NEK1: variants seen among roughly 807,000 people sequenced by gnomAD.
NEK1 encodes serine/threonine-protein kinase Nek1.
In NEK1, 137 loss-of-function variants were observed where a neutral mutation model predicts 182.1. The observed-to-expected ratio is 0.75, with a 90% CI of 0.65 to 0.87. The LOEUF (loss-of-function observed/expected upper bound fraction) is 0.87, where lower values mean the gene tolerates loss of function less well. Ranked by LOEUF, NEK1 falls within the 40% of genes least tolerant of loss-of-function variation. The pLI, the probability that NEK1 is intolerant of heterozygous loss-of-function variation, is 0.00. For missense variants in NEK1, 1,391 were observed against 1,494.4 expected, an observed-to-expected ratio of 0.93 and a Z score of 1.14; for synonymous variants, 513 against 492.2, an observed-to-expected ratio of 1.04 and a Z score of -0.56.
intron 19 of NEK1, among the ~76,000 whole-genome samples, chr4:169,522,780 G>A (rs534103165): frequency 3.9e-4 from 59 of 152,328 alleles, no homozygotes; most frequent in African/African-American, 1.3e-3. Context: ...TCACTCATCA[G>A]GTCCCTGGTG....
At chr4:169,468,524 T>C (rs573529844) in intron 26 of NEK1, among the ~76,000 whole-genome samples, 1 of 152,324 alleles carries the variant, frequency 6.6e-6, no homozygotes, top group East Asian at 1.9e-4. Context: ...AATTACATGC[T>C]GTGAAATACT....
At chr4:169,521,109 G>A (rs1442793765) in intron 19 of NEK1, among the ~76,000 whole-genome samples, 45 of 78,376 alleles carry the variant, frequency 5.7e-4, no homozygotes, top group African/African-American at 1.9e-3. Context: ...CCCCAGCCTC[G>A]TTGCCGCCTT....
At chr4:169,538,588 G>A (rs893444876) in intron 18 of NEK1, among the ~76,000 whole-genome samples, 1 of 152,084 alleles carries the variant, frequency 6.6e-6, no homozygotes, top group Admixed American at 6.6e-5. Context: ...ACTATATATT[G>A]TGTTAGTTAC....
intron 19 of NEK1, among the ~76,000 whole-genome samples, chr4:169,512,432 AATTTTCCTC>A (rs911691628): frequency 1.3e-5 from 2 of 151,884 alleles, no homozygotes; most frequent in African/African-American, 2.4e-5. Context: ...GTTTTGTATA[AATTTTCCTC>A]ATTTTCTAAC....
At chr4:169,486,186 T>C (rs1749011271) in intron 23 of NEK1, among the ~76,000 whole-genome samples, 1 of 152,258 alleles carries the variant, frequency 6.6e-6, no homozygotes, top group East Asian at 1.9e-4. Context: ...AGAAGCTTTT[T>C]TTTTCTTAGC....
intron 29 of NEK1, among the ~76,000 whole-genome samples, chr4:169,432,914 T>C (rs891904143): frequency 2.6e-5 from 4 of 152,134 alleles, no homozygotes; most frequent in Non-Finnish European, 4.4e-5. Context: ...CCTGGGATTA[T>C]AGGCACCCGC....
At chr4:169,464,756 A>T (rs1455250718) in intron 26 of NEK1, among the ~76,000 whole-genome samples, 1 of 152,198 alleles carries the variant, frequency 6.6e-6, no homozygotes, top group African/African-American at 2.4e-5. Flanking sequence ...ATAGAAAACA[A>T]ATCTTAAAAT....
At chr4:169,605,509 T>C (rs1258931506) in intron 2 of NEK1, among the ~76,000 whole-genome samples, 2 of 152,202 alleles carry the variant, frequency 1.3e-5, no homozygotes, top group Admixed American at 6.5e-5. Flanking sequence ...TTTCAGCATC[T>C]TACAATATAT....
intron 6 of NEK1, 54 bp from the exon 7 acceptor site, chr4:169,589,568 T>A: frequency 9.3e-7 from 1 of 1,072,814 alleles, no homozygotes; most frequent in Non-Finnish European, 1.3e-6. Context: ...AGTCCAGTTC[T>A]AAGTCAACAT....
intron 31 of NEK1, among the ~76,000 whole-genome samples, chr4:169,411,904 T>G (rs1052358457): frequency 1.3e-5 from 2 of 152,224 alleles, no homozygotes; most frequent in African/African-American, 4.8e-5. Flanking sequence ...GAGTAACCTC[T>G]GAGGAATACC....
intron 27 of NEK1, among the ~76,000 whole-genome samples, chr4:169,460,021 C>T (rs1743659593): frequency 6.6e-6 from 1 of 152,096 alleles, no homozygotes; most frequent in South Asian, 2.1e-4. Flanking sequence ...GTAAACTATA[C>T]ACTTTGGTGA....
intron 19 of NEK1, among the ~76,000 whole-genome samples, chr4:169,537,233 C>G (rs890300356): frequency 6.6e-6 from 1 of 151,930 alleles, no homozygotes; most frequent in Non-Finnish European, 1.5e-5. Flanking sequence ...CTGTTAAATA[C>G]CAAAGAGAAA....
chr4:169,550,224 G>T (rs565075608), intron 18 of NEK1, among the ~76,000 whole-genome samples: 1 of 148,758 alleles, frequency 6.7e-6, no homozygotes, highest in South Asian at 2.1e-4. Context: ...CCCTACACAT[G>T]CTCTCTCTCT....
intron 23 of NEK1, among the ~76,000 whole-genome samples, chr4:169,489,159 CCCAATGA>C (rs1749595109): frequency 6.6e-6 from 1 of 152,130 alleles, no homozygotes; most frequent in African/African-American, 2.4e-5. Context: ...ACACAGAATT[CCCAATGA>C]ATTTATTTGT....
At chr4:169,582,175 G>A (rs1409326713) in intron 10 of NEK1, among the ~76,000 whole-genome samples, 2 of 151,720 alleles carry the variant, frequency 1.3e-5, no homozygotes, top group African/African-American at 4.8e-5. Flanking sequence ...TTTTTCAAGA[G>A]AACTGATTCT....
At chr4:169,532,194 T>C (rs781370947) in intron 19 of NEK1, among the ~76,000 whole-genome samples, 1 of 152,128 alleles carries the variant, frequency 6.6e-6, no homozygotes, top group Non-Finnish European at 1.5e-5. Flanking sequence ...CTATATATAT[T>C]TGTCAATACT....
At chr4:169,470,146 A>T (rs1473468638) in intron 26 of NEK1, among the ~76,000 whole-genome samples, 1 of 152,090 alleles carries the variant, frequency 6.6e-6, no homozygotes, top group Non-Finnish European at 1.5e-5. Flanking sequence ...TAATATTGAT[A>T]TGTGTGAATT....
At chr4:169,508,700 G>T in intron 20 of NEK1, 69 bp downstream of exon 20, 1 of 1,165,048 alleles carries the variant, frequency 8.6e-7, no homozygotes, top group Non-Finnish European at 1.2e-6. Flanking sequence ...TTTAAACCAT[G>T]CAAGAAAAGA....
chr4:169,445,858 A>ATG (rs1203922460), intron 27 of NEK1, among the ~76,000 whole-genome samples: 4 of 141,152 alleles, frequency 2.8e-5, no homozygotes, highest in Admixed American at 2.1e-4. Context: ...ACATATATAT[A>ATG]TATATATACA....
Sources: gnomAD v4.1 joint callset for allele counts (sites outside exome capture counted in the v4.1 genomes callset) on GRCh38, gnomAD v4.1.1 for gene constraint, MANE v1.5 for transcripts, NCBI Gene and HGNC (gene_info 2026-07-23, HGNC 2026-07-21) for gene names.